The following PTPRD variants were observed in gnomAD, a reference collection of about 807,000 sequenced individuals.
PTPRD encodes the protein receptor-type tyrosine-protein phosphatase delta.
Under a neutral mutation model 214.5 loss-of-function variants are expected in PTPRD, and 34 were observed. The ratio of observed to expected loss-of-function variants is 0.16; its 90% CI spans 0.12 to 0.21. PTPRD has a LOEUF of 0.21. PTPRD is among the 10% of genes least tolerant of loss of function. PTPRD has a pLI of 1.00. For synonymous variants in PTPRD, 1,128 were observed against 845.7 expected (o/e 1.33, Z -5.79); for missense variants, 2,545 against 2,398.7 (o/e 1.06, Z -1.27).
intron 4 of PTPRD, among the ~76,000 whole-genome samples, chr9:10,000,292 G>A (rs910902041): frequency 2.6e-5 from 4 of 152,024 alleles, no homozygotes; most frequent in Admixed American, 1.3e-4. Flanking sequence ...TAGTCTATAG[G>A]ACCCCCACTA....
intron 5 of PTPRD, among the ~76,000 whole-genome samples, chr9:9,796,821 G>A (rs147260766): frequency 4.5e-4 from 68 of 152,220 alleles, no homozygotes; most frequent in African/African-American, 1.6e-3. Context: ...CCACTTTATT[G>A]AGGTATGATT....
chr9:10,135,953 A>T (rs2098939807), intron 3 of PTPRD, among the ~76,000 whole-genome samples: 1 of 151,738 alleles, frequency 6.6e-6, no homozygotes, highest in African/African-American at 2.4e-5. Context: ...TAAAAAAAAA[A>T]AAATAAGGCC....
chr9:8,769,053 A>G (rs2094987945), intron 11 of PTPRD, among the ~76,000 whole-genome samples: 1 of 152,222 alleles, frequency 6.6e-6, no homozygotes, highest in African/African-American at 2.4e-5. Context: ...TCTGTGTGTT[A>G]GCATAACGCC....
chr9:9,034,301 C>T (rs1282617211), intron 10 of PTPRD, among the ~76,000 whole-genome samples: 1 of 152,058 alleles, frequency 6.6e-6, no homozygotes, highest in Admixed American at 6.6e-5. Flanking sequence ...CAATTTCATG[C>T]CACAAGTAAC....
intron 2 of PTPRD, among the ~76,000 whole-genome samples, chr9:10,467,714 A>G (rs528893308): frequency 1.0e-4 from 16 of 152,382 alleles, no homozygotes; most frequent in East Asian, 3.9e-4. Context: ...GCAAATTGTA[A>G]TGGAGTAGAG....
intron 10 of PTPRD, among the ~76,000 whole-genome samples, chr9:9,031,101 G>A (rs2099603922): frequency 6.6e-6 from 1 of 151,902 alleles, no homozygotes; most frequent in Admixed American, 6.6e-5. Flanking sequence ...TGACCATCTT[G>A]GTAGAATTGA....
At chr9:8,550,654 A>C (rs893879294) in intron 14 of PTPRD, among the ~76,000 whole-genome samples, 1 of 152,330 alleles carries the variant, frequency 6.6e-6, no homozygotes, top group East Asian at 1.9e-4. Context: ...CACCTAAATA[A>C]ATCTAAATCC....
chr9:9,643,407 A>T (rs1452328086), intron 7 of PTPRD, among the ~76,000 whole-genome samples: 1 of 152,176 alleles, frequency 6.6e-6, no homozygotes, highest in Admixed American at 6.5e-5. Context: ...TTGGATTTGT[A>T]ACTCCAGGAC....
At chr9:9,414,309 C>A (rs964900993) in intron 8 of PTPRD, among the ~76,000 whole-genome samples, 4 of 152,182 alleles carry the variant, frequency 2.6e-5, no homozygotes, top group East Asian at 1.9e-4. Flanking sequence ...CAGGTTCTTT[C>A]TTTTCCTTCA....
intron 2 of PTPRD, among the ~76,000 whole-genome samples, chr9:10,572,773 A>C (rs781705052): frequency 1.3e-5 from 2 of 152,230 alleles, no homozygotes; most frequent in African/African-American, 2.4e-5. Context: ...AATAGCTTTT[A>C]CTAATAAACA....
At chr9:8,451,970 G>C in intron 33 of PTPRD, 1 of 409,128 alleles carries the variant, frequency 2.4e-6, no homozygotes, top group South Asian at 1.9e-5. Context: ...CTGGAGGGTA[G>C]AAAAGAAAAC....
intron 14 of PTPRD, among the ~76,000 whole-genome samples, chr9:8,619,999 C>G (rs1421136115): frequency 6.6e-6 from 1 of 152,044 alleles, no homozygotes; most frequent in African/African-American, 2.4e-5. Context: ...CTTGTAGCCT[C>G]TCCAGACACT....
chr9:9,903,329 G>C (rs977262579), intron 5 of PTPRD, among the ~76,000 whole-genome samples: 2 of 152,108 alleles, frequency 1.3e-5, no homozygotes, highest in Admixed American at 1.3e-4. Context: ...GATGCTTAAA[G>C]ACCATTAGCA....
chr9:9,729,751 C>CAAA (rs572111355), intron 7 of PTPRD, among the ~76,000 whole-genome samples: 81 of 143,444 alleles, frequency 5.6e-4, no homozygotes, highest in African/African-American at 2.0e-3. Context: ...TGGTTTGCAA[C>CAAA]AAAAAAAAAA....
chr9:9,894,807 G>A (rs367818729), intron 5 of PTPRD, among the ~76,000 whole-genome samples: 13 of 151,936 alleles, frequency 8.6e-5, no homozygotes, highest in South Asian at 2.1e-4. Flanking sequence ...TTACATACAC[G>A]GTAATAAGTG....
At chr9:8,433,338 G>A (rs1304798460) in intron 35 of PTPRD, among the ~76,000 whole-genome samples, 1 of 152,160 alleles carries the variant, frequency 6.6e-6, no homozygotes, top group Non-Finnish European at 1.5e-5. Context: ...AAGTGAATAT[G>A]TTACTAGTTT....
intron 35 of PTPRD, among the ~76,000 whole-genome samples, chr9:8,433,335 T>C (rs1365943379): frequency 6.6e-6 from 1 of 152,248 alleles, no homozygotes; most frequent in Non-Finnish European, 1.5e-5. Context: ...AATAAGTGAA[T>C]ATGTTACTAG....
At chr9:8,926,356 G>A (rs2098892640) in intron 11 of PTPRD, among the ~76,000 whole-genome samples, 1 of 152,020 alleles carries the variant, frequency 6.6e-6, no homozygotes, top group South Asian at 2.1e-4. Context: ...AATGACAATA[G>A]GAGTAAAATA....
At chr9:10,425,256 G>A (rs1489620032) in intron 2 of PTPRD, among the ~76,000 whole-genome samples, 1 of 151,874 alleles carries the variant, frequency 6.6e-6, no homozygotes, top group Non-Finnish European at 1.5e-5. Flanking sequence ...AGGAATTAGT[G>A]AGGTATTAAA....
Sources: allele counts gnomAD v4.1 joint callset (sites outside exome capture counted in the v4.1 genomes callset), GRCh38; gene constraint gnomAD v4.1.1; transcripts MANE v1.5; gene names NCBI Gene and HGNC (gene_info 2026-07-23, HGNC 2026-07-21).